Variants in ZBTB20 observed in about 807,000 individuals in gnomAD.
ZBTB20 encodes the protein zinc finger and BTB domain-containing protein 20.
ZBTB20 carries 9 observed loss-of-function variants against 56.9 expected under a neutral mutation model. The observed-to-expected ratio is 0.16, with a 90% CI of 0.10 to 0.28. The LOEUF (loss-of-function observed/expected upper bound fraction) is 0.28. ZBTB20 is among the 10% of genes least tolerant of loss of function. The pLI is 1.00. For missense variants in ZBTB20, 655 were observed against 1,003.0 expected (o/e 0.65, Z 4.69); for synonymous variants, 417 against 420.7 (o/e 0.99, Z 0.11).
At chr3:114,793,426 T>C (rs999368262) in intron 5 of ZBTB20, among the ~76,000 whole-genome samples, 1 of 152,128 alleles carries the variant, frequency 6.6e-6, no homozygotes, top group African/African-American at 2.4e-5. Context: ...TGTGATATGA[T>C]GGGGTATTGG....
At chr3:114,887,223 C>A (rs929960911) in intron 4 of ZBTB20, among the ~76,000 whole-genome samples, 2 of 152,208 alleles carry the variant, frequency 1.3e-5, no homozygotes, top group Non-Finnish European at 2.9e-5. Context: ...TACTGCCACA[C>A]TGGGGCTTAA....
chr3:114,629,108 G>A (rs143828751), intron 6 of ZBTB20, among the ~76,000 whole-genome samples: 9 of 152,264 alleles, frequency 5.9e-5, no homozygotes, highest in Middle Eastern at 3.4e-3. Context: ...GCAGTGGGCA[G>A]TGGTTAAGAT....
chr3:114,708,406 A>G (rs1439107529), intron 5 of ZBTB20, among the ~76,000 whole-genome samples: 1 of 152,146 alleles, frequency 6.6e-6, no homozygotes, highest in Non-Finnish European at 1.5e-5. Context: ...TGCATCAAAA[A>G]TTTAAAAAAT....
In ZBTB20 at chr3:114,322,366, C is replaced by T. The variant is rs1052553878; in HGVS notation, c.*16639G>A. The T allele has an allele frequency of 6.6e-6, 1 of 152,178 alleles. No individual in the cohort carries two copies. The highest frequency in any genetic ancestry group is 2.4e-5 in the African/African-American group (1 of 41,438). The allele number at this position is 152,178 out of a possible 1,614,324, so 9.4% of individuals were successfully genotyped here. ...GTACGTCCTCTGATGACAAGGTCTC[C>T]TGTAAATACCATTGTGAACAGAAGG... On this transcript the variant is annotated 3_prime_UTR_variant, in exon 12 of 12. Coordinates refer to ENST00000675478, the MANE Select transcript of ZBTB20 (RefSeq NM_001348800.3).
intron 7 of ZBTB20, among the ~76,000 whole-genome samples, chr3:114,433,960 T>C (rs917757773): frequency 1.3e-5 from 2 of 152,190 alleles, no homozygotes; most frequent in Admixed American, 6.5e-5. Context: ...GTGCTCACTG[T>C]GTCCACAGCT....
At chr3:114,412,189 A>G (rs1276215009) in intron 7 of ZBTB20, among the ~76,000 whole-genome samples, 1 of 152,154 alleles carries the variant, frequency 6.6e-6, no homozygotes, top group Non-Finnish European at 1.5e-5. Flanking sequence ...TCCCTGCTCT[A>G]CAACTTACTA....
intron 7 of ZBTB20, among the ~76,000 whole-genome samples, chr3:114,398,361 A>C (rs192221783): frequency 5.3e-5 from 8 of 152,300 alleles, no homozygotes; most frequent in African/African-American, 1.9e-4. Context: ...TATAAACAGA[A>C]ATGGATGGCA....
rs1221642518 is a variant in ZBTB20 at position 114,329,931 on chromosome 3, C to T, written c.*9074G>A. On this transcript the variant is annotated 3_prime_UTR_variant, in exon 12 of 12. Coordinates refer to ENST00000675478, the MANE Select transcript of ZBTB20 (RefSeq NM_001348800.3). The stretch of plus-strand genomic sequence containing the variant: ...TTTTCAGAAGACTGGCCCTTTGAAA[C>T]GCAGCCTGTTATTGTTGGTCAGATC... The T allele has an allele frequency of 1.3e-5, 2 of 152,248 alleles. No homozygotes were observed. 9.4% of individuals were successfully genotyped at this position (152,248 alleles called of 1,614,324 possible). A position where few individuals can be genotyped will look rare whatever the true frequency, so the allele number is the denominator to read the frequency against.
At chr3:114,465,049 T>C (rs1166551314) in intron 7 of ZBTB20, among the ~76,000 whole-genome samples, 1 of 150,548 alleles carries the variant, frequency 6.6e-6, no homozygotes. Context: ...GTTTTGTTTT[T>C]AGGTAAAAAC....
intron 6 of ZBTB20, among the ~76,000 whole-genome samples, chr3:114,592,500 G>A (rs2055873609): frequency 6.6e-6 from 1 of 152,138 alleles, no homozygotes; most frequent in Admixed American, 6.5e-5. Flanking sequence ...CCCAAATAGT[G>A]AGTTTCCTTT....
In ZBTB20 at chr3:114,576,880, CTAGA is replaced by C. The variant is rs1466750522; in HGVS notation, c.-294-76493_-294-76490del. ...TATAAAAAAGATTTATGAGATAGTA[CTAGA>C]TATATTTTTTATAAAACGAATATTA... On this transcript the variant is annotated intron_variant, in intron 6 of 11. Transcript: ENST00000675478. Among the ~76,000 whole-genome samples, 11 of 151,714 alleles carry C rather than the reference CTAGA, an allele frequency of 7.3e-5. 1 individual carries two copies. The highest frequency in any genetic ancestry group is 5.9e-4 in the Admixed American group (9 of 15,242).
intron 6 of ZBTB20, among the ~76,000 whole-genome samples, chr3:114,552,022 C>G (rs1218502398): frequency 1.3e-5 from 2 of 152,190 alleles, no homozygotes; most frequent in Admixed American, 6.5e-5. Context: ...CCAGCCTGGA[C>G]AGCATAGTAA....
intron 4 of ZBTB20, among the ~76,000 whole-genome samples, chr3:114,808,008 T>A (rs2072244651): frequency 6.6e-6 from 1 of 152,114 alleles, no homozygotes; most frequent in Admixed American, 6.6e-5. Context: ...TACAAATAAT[T>A]GAAAGATGAC....
chr3:114,901,012 A>G (rs1321946649), intron 3 of ZBTB20, among the ~76,000 whole-genome samples: 2 of 152,218 alleles, frequency 1.3e-5, no homozygotes, highest in Non-Finnish European at 1.5e-5. Flanking sequence ...CACATTAAAC[A>G]AAAGTAGCAG....
intron 1 of ZBTB20, among the ~76,000 whole-genome samples, chr3:115,098,654 A>G (rs2108598147): frequency 6.6e-6 from 1 of 152,294 alleles, no homozygotes; most frequent in Non-Finnish European, 1.5e-5. Context: ...TTTTAAAAGA[A>G]GAGGTAAAAA....
At chr3:114,918,487 C>A (rs2075832099) in intron 3 of ZBTB20, among the ~76,000 whole-genome samples, 1 of 152,096 alleles carries the variant, frequency 6.6e-6, no homozygotes, top group African/African-American at 2.4e-5. Flanking sequence ...CTGAAGCCAG[C>A]ATGTTTCAGA....
intron 2 of ZBTB20, among the ~76,000 whole-genome samples, chr3:114,980,958 G>A (rs931215177): frequency 6.6e-6 from 1 of 151,804 alleles, no homozygotes; most frequent in African/African-American, 2.4e-5. Context: ...TGTTCTACTA[G>A]ATTTCTCTGC....
intron 6 of ZBTB20, among the ~76,000 whole-genome samples, chr3:114,548,941 A>G (rs2050228372): frequency 6.6e-6 from 1 of 152,260 alleles, no homozygotes; most frequent in Non-Finnish European, 1.5e-5. Flanking sequence ...ACTAGCCATG[A>G]ATAAGAAAAT....
At chr3:114,379,563 C>T (rs1297795894) in intron 10 of ZBTB20, among the ~76,000 whole-genome samples, 2 of 152,134 alleles carry the variant, frequency 1.3e-5, no homozygotes, top group Admixed American at 6.5e-5. Context: ...ATTTCAATAG[C>T]GACGATCTCA....
Sources: gnomAD v4.1 joint callset for allele counts (sites outside exome capture counted in the v4.1 genomes callset) on GRCh38, gnomAD v4.1.1 for gene constraint, MANE v1.5 for transcripts, NCBI Gene and HGNC (gene_info 2026-07-23, HGNC 2026-07-21) for gene names.